MYO18B: variants seen among roughly 807,000 people sequenced by gnomAD.
The protein encoded by MYO18B is myosin XVIIIB.
In MYO18B, 204 loss-of-function variants were observed where a neutral mutation model predicts 273.0. That is an observed-to-expected ratio of 0.75 (90% CI 0.67 to 0.84). MYO18B has a LOEUF of 0.84. Among genes scored for constraint, MYO18B ranks in the 40% least tolerant of loss-of-function variants. The probability of loss-of-function intolerance (pLI) is 0.00; values close to 1 mark genes in which losing one functional copy is unlikely to be tolerated. For synonymous variants in MYO18B, 1,330 were observed against 1,305.7 expected (o/e 1.02, Z -0.40); for missense variants, 3,212 against 3,287.6 (o/e 0.98, Z 0.56).
intron 39 of MYO18B, among the ~76,000 whole-genome samples, chr22:25,990,686 C>CAAAAAAAAA (rs745998234): frequency 5.5e-4 from 15 of 27,030 alleles, no homozygotes; most frequent in East Asian, 4.8e-3. Context: ...GACTTTGTCT[C>CAAAAAAAAA]AAAAAAAAAA....
intron 40 of MYO18B, 31 bp downstream of exon 40, chr22:25,992,524 C>A: frequency 6.2e-7 from 1 of 1,612,544 alleles, no homozygotes; most frequent in Non-Finnish European, 8.5e-7. Context: ...CGGGGCTGGG[C>A]GCAGCAGGTG....
At position 25,992,232 on chromosome 22, in the gene MYO18B, G is replaced by A. The variant is rs768547418; in HGVS notation, c.6157-131G>A. The A allele has an allele frequency of 5.9e-5, 65 of 1,100,216 alleles. No individual in the cohort carries two copies. The Admixed American group carries it at 7.2e-4, about 12-fold the overall frequency. The allele number at this position is 1,100,216 out of a possible 1,614,324, so 68.2% of individuals were successfully genotyped here. On this transcript the variant is annotated intron_variant, in intron 39 of 43. Coordinates refer to ENST00000335473, the MANE Select transcript of MYO18B (RefSeq NM_032608.7). ...TCTGTCCGCAGAGAGAGCCTCTCAC[G>A]GAGAACTTACCACTTCATAGGTGCT...
In MYO18B at chr22:25,883,718, G is replaced by C. The variant is rs890106013; in HGVS notation, c.4314+5670G>C. On this transcript the variant is annotated intron_variant, in intron 25 of 43. Transcript: ENST00000335473. This position sits in a 1 kb window ranked among gnomAD's most constrained non-coding sequence, Gnocchi z 7.6. ...CTTTGTCTCTGGAGGGGGAGAAACA[G>C]TAATATAAACATTGCTAAAACGTGT... 1 of 152,178 alleles carries C rather than the reference G, an allele frequency of 6.6e-6. No individual in the cohort carries two copies. The highest frequency in any genetic ancestry group is 2.4e-5 in the African/African-American group (1 of 41,456). The allele number at this position is 152,178 out of a possible 1,614,324, so 9.4% of individuals were successfully genotyped here. A position where few individuals can be genotyped will look rare whatever the true frequency, so the allele number is the denominator to read the frequency against.
chr22:25,819,081 T>C (rs2089165001), intron 12 of MYO18B, among the ~76,000 whole-genome samples: 1 of 152,162 alleles, frequency 6.6e-6, no homozygotes. Flanking sequence ...TCACTACCCA[T>C]GTCCAAGCAA....
chr22:25,828,822 G>T lies in MYO18B; in HGVS notation c.2833G>T (p.Asp945Tyr). Reference protein sequence around the residue: ...HLSMASIMVVDSPGFQNPRHQ... With the variant: ...HLSMASIMVVYSPGFQNPRHQ... Reference sequence around the variant, plus strand: ...CTCCATGGCCTCCATCATGGTGGTGGACTCTCCAGGCTTCCAGAACCCCCG... The same window carrying T: ...CTCCATGGCCTCCATCATGGTGGTGTACTCTCCAGGCTTCCAGAACCCCCG... Residue 945 changes from aspartate to tyrosine, a missense_variant, in exon 15 of 44, where the codon GAC becomes TAC. Transcript: ENST00000335473. The T allele has an allele frequency of 6.2e-7, 1 of 1,613,862 alleles. No homozygotes were observed. The highest frequency in any genetic ancestry group is 8.5e-7 in the Non-Finnish European group (1 of 1,179,886).
At chr22:25,991,455 T>C (rs2093269721) in intron 39 of MYO18B, among the ~76,000 whole-genome samples, 1 of 152,184 alleles carries the variant, frequency 6.6e-6, no homozygotes, top group Non-Finnish European at 1.5e-5. Context: ...TCTCCAGACA[T>C]GACCAAATGT....
intron 25 of MYO18B, among the ~76,000 whole-genome samples, chr22:25,888,707 G>A (rs2091573877): frequency 6.6e-6 from 1 of 152,160 alleles, no homozygotes; most frequent in African/African-American, 2.4e-5. Flanking sequence ...TTAACTGGAG[G>A]TCCTGACTTG....
intron 1 of MYO18B, among the ~76,000 whole-genome samples, chr22:25,746,742 A>G (rs1215859486): frequency 6.6e-6 from 1 of 152,220 alleles, no homozygotes; most frequent in African/African-American, 2.4e-5. Flanking sequence ...TTTAGTTAGA[A>G]TTCATCTAAA....
intron 21 of MYO18B, among the ~76,000 whole-genome samples, chr22:25,864,615 C>T (rs1363830324): frequency 6.6e-6 from 1 of 152,102 alleles, no homozygotes; most frequent in Non-Finnish European, 1.5e-5. Flanking sequence ...GGGTTCAAAC[C>T]CCCTACCATC....
intron 7 of MYO18B, among the ~76,000 whole-genome samples, chr22:25,777,089 G>A (rs576808436): frequency 1.3e-5 from 2 of 152,308 alleles, no homozygotes; most frequent in East Asian, 3.9e-4. Flanking sequence ...ACTGAATGAA[G>A]TATGAATGAA....
chr22:26,036,847 A>G, the MYO18B span, among the ~76,000 whole-genome samples: 28 of 152,346 alleles, frequency 1.8e-4, no homozygotes, highest in African/African-American at 6.3e-4. Flanking sequence ...TCTGTGGCTG[A>G]TGGTGATCAA....
rs768744758 is a variant in MYO18B at position 26,026,950 on chromosome 22, C to T, written c.6976C>T (p.Leu2326Phe). The stretch of plus-strand genomic sequence containing the variant: ...TGGTGGTCTCTTGAGGTCCACCAGC[C>T]TCAAATGCATCTCTTCAGACGGTGT... ...AAGGLLRSTS[L>F]KCISSDGVGG... The change falls in exon 43 of 44, where the codon CTC (leucine) becomes TTC (phenylalanine). Residue 2326 changes from leucine to phenylalanine, a missense_variant. Physicochemically the swap from Leu to Phe is conservative, Grantham distance 22. Transcript: ENST00000335473. 2.5e-6 allele frequency: 4 copies of T among 1,613,712 alleles called. No individual in the cohort carries two copies. The South Asian group carries it at 3.3e-5, about 13-fold the overall frequency.
chr22:25,780,775 G>A (rs151190172), intron 9 of MYO18B, among the ~76,000 whole-genome samples: 182 of 152,188 alleles, frequency 1.2e-3, no homozygotes, highest in African/African-American at 4.0e-3. Context: ...ACTTTCAGGC[G>A]GATGAAATAT....
At chr22:25,977,285 CTGTATTTGTATT>C (rs55633196) in intron 39 of MYO18B, among the ~76,000 whole-genome samples, 30,325 of 143,846 alleles carry the variant, frequency 0.21, 3,263 homozygotes, top group East Asian at 0.24. Context: ...TTTCCAACTC[CTGTATTTGTATT>C]TGTATTTGTA....
chr22:25,794,487 T>A (rs2145739202), intron 11 of MYO18B, among the ~76,000 whole-genome samples: 1 of 143,382 alleles, frequency 7.0e-6, no homozygotes, highest in Non-Finnish European at 1.5e-5. Flanking sequence ...CAGCTGGCCA[T>A]GTTATTATTA....
chr22:25,909,938 T>G (rs2092123384), intron 32 of MYO18B, among the ~76,000 whole-genome samples: 1 of 152,162 alleles, frequency 6.6e-6, no homozygotes, highest in African/African-American at 2.4e-5. Flanking sequence ...TCCCTGGGTC[T>G]TAGTTTGCCC....
chr22:25,745,472 GAC>G lies in MYO18B; in HGVS notation c.-110+3208_-110+3209del, dbSNP rs3068433. 5.9e-3 allele frequency among the ~76,000 whole-genome samples: 867 copies of G among 145,744 alleles called. 7 individuals are homozygous for G. The highest frequency in any genetic ancestry group is 0.011 in the African/African-American group (444 of 39,290). On this transcript the variant is annotated intron_variant, in intron 1 of 43. Transcript: ENST00000335473. ...CATCAAGGTAGATTTCTCTCTCTCT[GAC>G]ACACACACACACACACACACACACA... is the stretch of plus-strand genomic sequence containing the variant.
chr22:26,027,233 G>A lies in MYO18B; in HGVS notation c.7259G>A (p.Gly2420Asp). The A allele has an allele frequency of 6.2e-7, 1 of 1,613,946 alleles. No individual in the cohort carries two copies. Among genetic ancestry groups the A allele is most frequent in the Non-Finnish European group, 8.5e-7 (1 of 1,179,894 alleles). ...GCCCACCTGATGGAGGAACCTCTAGGCAGTGACCCATTCAGCTGGAAACTC... is the reference window on the plus strand; with the variant it reads ...GCCCACCTGATGGAGGAACCTCTAGACAGTGACCCATTCAGCTGGAAACTC... ...QFAHLMEEPL[G>D]SDPFSWKLPS... Residue 2420 changes from glycine (G) to aspartate (D), a missense_variant, in exon 43 of 44, where the codon GGC becomes GAC. Coordinates refer to ENST00000335473, the MANE Select transcript of MYO18B (RefSeq NM_032608.7). This position sits in a 1 kb window ranked among gnomAD's most constrained non-coding sequence, Gnocchi z 4.1.
intron 12 of MYO18B, among the ~76,000 whole-genome samples, chr22:25,803,315 A>C (rs1400935863): frequency 1.3e-5 from 2 of 152,166 alleles, no homozygotes; most frequent in Non-Finnish European, 2.9e-5. Flanking sequence ...TCTATTTTGT[A>C]GGATGGATCA....
Sources: allele counts gnomAD v4.1 joint callset (sites outside exome capture counted in the v4.1 genomes callset), GRCh38; gene constraint gnomAD v4.1.1; non-coding constraint Gnocchi (gnomAD v3.1); transcripts MANE v1.5; gene names NCBI Gene and HGNC (gene_info 2026-07-23, HGNC 2026-07-21).